ACTR3C: variants seen among roughly 807,000 people sequenced by gnomAD.
The protein encoded by ACTR3C is actin related protein 3C, also known as actin-related protein 3C.
ACTR3C carries 18 observed loss-of-function variants against 26.3 expected under a neutral mutation model. That is an observed-to-expected ratio of 0.68 (90% CI 0.47 to 1.01). The LOEUF (loss-of-function observed/expected upper bound fraction) is 1.01, where lower values mean the gene tolerates loss of function less well. Ranked by LOEUF, ACTR3C falls within the 50% of genes least tolerant of loss-of-function variation. The probability of loss-of-function intolerance (pLI) is 0.00; values close to 1 mark genes in which losing one functional copy is unlikely to be tolerated. For missense variants in ACTR3C, 184 were observed against 250.7 expected (o/e 0.73, Z 1.80); for synonymous variants, 55 against 94.5 (o/e 0.58, Z 2.42).
chr7:150,067,860 C>A, the ACTR3C span, among the ~76,000 whole-genome samples: 5 of 150,824 alleles, frequency 3.3e-5, no homozygotes, highest in African/African-American at 1.2e-4. Context: ...AGAGGGGATT[C>A]AGGCCCTAAA....
intron 6 of ACTR3C, among the ~76,000 whole-genome samples, chr7:150,252,379 A>G (rs1279575443): frequency 6.6e-6 from 1 of 152,160 alleles, no homozygotes; most frequent in Non-Finnish European, 1.5e-5. Flanking sequence ...TATTGTAACT[A>G]ATAAGGGCTA....
At chr7:150,164,752 T>C in the ACTR3C span, among the ~76,000 whole-genome samples, 57 of 152,264 alleles carry the variant, frequency 3.7e-4, no homozygotes, top group African/African-American at 1.3e-3. Context: ...TTCTTTTTTA[T>C]CATCTCTCAA....
At chr7:149,917,076 ATT>A in the ACTR3C span, among the ~76,000 whole-genome samples, 118,464 of 136,322 alleles carry the variant, frequency 0.87, 51,572 homozygotes, top group Non-Finnish European at 0.93. Context: ...TGCCCCAAAT[ATT>A]TTTTTTTTTT....
At chr7:150,036,039 G>A in the ACTR3C span, among the ~76,000 whole-genome samples, 188 of 129,084 alleles carry the variant, frequency 1.5e-3, 8 homozygotes, top group Non-Finnish European at 1.9e-3. Flanking sequence ...AGCAAAGGTG[G>A]GAAGAGGGGC....
the ACTR3C span, among the ~76,000 whole-genome samples, chr7:149,996,138 G>A: frequency 2.8e-3 from 423 of 152,290 alleles, no homozygotes; most frequent in African/African-American, 9.7e-3. Context: ...TCTAGGGGAC[G>A]TGGGGAGCAT....
chr7:150,128,599 G>T, the ACTR3C span, among the ~76,000 whole-genome samples: 2 of 151,572 alleles, frequency 1.3e-5, no homozygotes, highest in Non-Finnish European at 2.9e-5. Context: ...CCTAGGGCTT[G>T]CCATTTCTGT....
the ACTR3C span, among the ~76,000 whole-genome samples, chr7:149,966,916 C>G: frequency 1.3e-5 from 2 of 151,546 alleles, no homozygotes; most frequent in Non-Finnish European, 2.9e-5. Flanking sequence ...GACTGGAGTG[C>G]AATGGCGTGA....
the ACTR3C span, among the ~76,000 whole-genome samples, chr7:149,994,951 T>C: frequency 6.7e-6 from 1 of 149,412 alleles, no homozygotes; most frequent in Non-Finnish European, 1.5e-5. Flanking sequence ...GCCTCCCAGG[T>C]TCAAGTGATT....
At chr7:150,048,060 C>T in the ACTR3C span, among the ~76,000 whole-genome samples, 2 of 152,206 alleles carry the variant, frequency 1.3e-5, no homozygotes, top group Non-Finnish European at 2.9e-5. Context: ...CAGCCTCCTC[C>T]GCCCCCTCCC....
chr7:150,236,740 T>C, the ACTR3C span, among the ~76,000 whole-genome samples: 1 of 150,810 alleles, frequency 6.6e-6, no homozygotes, highest in Non-Finnish European at 1.5e-5. Context: ...TCATACCCAC[T>C]ATCTGCCCCT....
At chr7:150,103,522 C>T in the ACTR3C span, among the ~76,000 whole-genome samples, 8 of 151,718 alleles carry the variant, frequency 5.3e-5, no homozygotes, top group Non-Finnish European at 1.2e-4. Flanking sequence ...TGGAGGACCA[C>T]GCCATGATTT....
At chr7:150,025,694 T>C in the ACTR3C span, among the ~76,000 whole-genome samples, 1 of 152,074 alleles carries the variant, frequency 6.6e-6, no homozygotes, top group East Asian at 1.9e-4. Context: ...GGTAGTGAAA[T>C]GGATGAAACG....
chr7:150,078,571 C>G, the ACTR3C span, among the ~76,000 whole-genome samples: 1 of 151,004 alleles, frequency 6.6e-6, no homozygotes, highest in South Asian at 2.1e-4. Flanking sequence ...GCAGGAAACT[C>G]TAGCAGTTCT....
At chr7:150,028,977 G>A in the ACTR3C span, among the ~76,000 whole-genome samples, 1 of 151,884 alleles carries the variant, frequency 6.6e-6, no homozygotes, top group African/African-American at 2.4e-5. Flanking sequence ...TGTAAACATG[G>A]GAGTCACCCA....
the ACTR3C span, among the ~76,000 whole-genome samples, chr7:149,980,128 G>C: frequency 6.6e-6 from 1 of 152,140 alleles, no homozygotes; most frequent in African/African-American, 2.4e-5. Context: ...TAAAAACTAA[G>C]CAAAGAAGAA....
the ACTR3C span, among the ~76,000 whole-genome samples, chr7:150,039,754 C>T: frequency 5.7e-5 from 8 of 140,698 alleles, no homozygotes; most frequent in East Asian, 1.6e-3. Flanking sequence ...CCTCCCCCTC[C>T]TGCGATGGGG....
chr7:150,002,095 C>G, the ACTR3C span: 1 of 149,472 alleles, frequency 6.7e-6, no homozygotes, highest in South Asian at 2.2e-4. Flanking sequence ...CAGAGGTCAA[C>G]TACACGTCCC....
chr7:150,084,882 G>C, the ACTR3C span, among the ~76,000 whole-genome samples: 1 of 152,162 alleles, frequency 6.6e-6, no homozygotes, highest in Non-Finnish European at 1.5e-5. Context: ...ATTCCAGTGA[G>C]AGACAACAGT....
intron 1 of ACTR3C, among the ~76,000 whole-genome samples, chr7:150,308,711 C>A (rs904370307): frequency 1.3e-5 from 2 of 152,134 alleles, no homozygotes; most frequent in Non-Finnish European, 2.9e-5. Flanking sequence ...TCTGCTCCCC[C>A]ACCTTATAAT....
Sources: gnomAD v4.1 joint callset for allele counts (sites outside exome capture counted in the v4.1 genomes callset) on GRCh38, gnomAD v4.1.1 for gene constraint, MANE v1.5 for transcripts, NCBI Gene and HGNC (gene_info 2026-07-23, HGNC 2026-07-21) for gene names.